PCSK6: variants seen among roughly 807,000 people sequenced by gnomAD.
The protein encoded by PCSK6 is paired basic amino acid cleaving enzyme 4.
Under a neutral mutation model 123.3 loss-of-function variants are expected in PCSK6, and 85 were observed. The ratio of observed to expected loss-of-function variants is 0.69; its 90% confidence interval spans 0.58 to 0.83. PCSK6 has a LOEUF of 0.83. PCSK6 is among the 40% of genes least tolerant of loss of function. PCSK6 has a pLI of 0.00. For synonymous variants in PCSK6, 508 were observed against 516.0 expected (o/e 0.98, Z 0.21); for missense variants, 1,191 against 1,282.3 (o/e 0.93, Z 1.09).
chr15:101,449,204 T>G (rs941994471), intron 1 of PCSK6, among the ~76,000 whole-genome samples: 1 of 152,258 alleles, frequency 6.6e-6, no homozygotes, highest in African/African-American at 2.4e-5. Context: ...TCCAATACTT[T>G]AAATCATCTT....
At chr15:101,438,985 T>C (rs1466745) in intron 2 of PCSK6, among the ~76,000 whole-genome samples, 91,204 of 152,014 alleles carry the variant, frequency 0.6, 28,553 homozygotes, top group African/African-American at 0.79. Flanking sequence ...CCGAGGAGGA[T>C]CTTAAAGGCC....
chr15:101,319,105 G>A (rs2040058242), intron 18 of PCSK6, among the ~76,000 whole-genome samples: 3 of 152,242 alleles, frequency 2.0e-5, no homozygotes, highest in Admixed American at 2.0e-4. Flanking sequence ...AAGCAAGCCA[G>A]CCAGCCCCTC....
In PCSK6 at chr15:101,424,002, C is replaced by T. The variant is rs1217906686; in HGVS notation, c.823+3890G>A. Among the ~76,000 whole-genome samples, 3 of 152,122 alleles carry T rather than the reference C, an allele frequency of 2.0e-5. No individual in the cohort carries two copies. In the South Asian group the frequency reaches 6.2e-4, roughly 31 times the overall value. ...CTTTGGGAGGCTGAGGTGGGAGGAT[C>T]GCTTGAGGCCAGGAGTTTGAGTCCA... On this transcript the variant is annotated intron_variant, in intron 6 of 21. Coordinates refer to ENST00000611716, the MANE Select transcript of PCSK6 (RefSeq NM_002570.5).
Position 101,481,227 on chromosome 15 carries a change from C to A in PCSK6, c.297+8147G>T, listed in dbSNP as rs146204730. Among the ~76,000 whole-genome samples, 1,316 of 151,934 alleles carry A rather than the reference C, an allele frequency of 8.7e-3. 11 individuals are homozygous for A. Among genetic ancestry groups the A allele is most frequent in the Non-Finnish European group, 0.013 (881 of 67,908 alleles). On this transcript the variant is annotated intron_variant, in intron 1 of 21. Coordinates refer to ENST00000611716, the MANE Select transcript of PCSK6 (RefSeq NM_002570.5). ...GTGGCAGGGGGCCTGGGGGCCCAGA[C>A]GAAGGGTACATCCGGCGGGCTGGGG... is the stretch of plus-strand genomic sequence containing the variant.
rs2058130048 is a variant in PCSK6 at position 101,489,677 on chromosome 15, G to A, written c.-7C>T. On this transcript the variant is annotated 5_prime_UTR_variant, in exon 1 of 22. Transcript: ENST00000611716. ...GCGGCGCGCGCGGAGGCATAGCGGC[G>A]ACAGGCTCGCGCGGCGCCCGAGCTG... The A allele has an allele frequency of 5.1e-6, 5 of 974,120 alleles. No homozygotes were observed. The highest frequency in any genetic ancestry group is 4.6e-5 in the South Asian group (1 of 21,664). 60.3% of individuals were successfully genotyped at this position (974,120 alleles called of 1,614,324 possible).
chr15:101,434,693 C>CA (rs1266006029), intron 2 of PCSK6, among the ~76,000 whole-genome samples: 1 of 152,220 alleles, frequency 6.6e-6, no homozygotes, highest in Non-Finnish European at 1.5e-5. Context: ...GAGGTGCTCT[C>CA]AGGCCAATGG....
At chr15:101,322,849 T>C (rs1249077272) in intron 17 of PCSK6, among the ~76,000 whole-genome samples, 1 of 152,108 alleles carries the variant, frequency 6.6e-6, no homozygotes, top group Non-Finnish European at 1.5e-5. Context: ...GCCTCTGAGG[T>C]GGTTCTGCTT....
intron 18 of PCSK6, among the ~76,000 whole-genome samples, chr15:101,319,119 A>G (rs892577809): frequency 2.0e-5 from 3 of 152,172 alleles, no homozygotes; most frequent in African/African-American, 7.2e-5. Context: ...GCCCCTCTAC[A>G]TCTGTTTCCC....
At chr15:101,353,112 A>G (rs2040941133) in intron 13 of PCSK6, among the ~76,000 whole-genome samples, 1 of 152,128 alleles carries the variant, frequency 6.6e-6, no homozygotes, top group Non-Finnish European at 1.5e-5. Context: ...GTAAAACATA[A>G]GGAAATAACT....
rs184057065 is a variant in PCSK6 at position 101,432,377 on chromosome 15, C to T, written c.403-277G>A. Among the ~76,000 whole-genome samples, 127 of 148,390 alleles carry T rather than the reference C, an allele frequency of 8.6e-4. 1 individual carries two copies. Among genetic ancestry groups the T allele is most frequent in the African/African-American group, 2.6e-3 (105 of 39,808 alleles). ...AGTGCTCACGCCTGTCATCCCAGCACGTTGGGAGGCCGAGGCAGGAAGATC... is the reference window on the plus strand; with the variant it reads ...AGTGCTCACGCCTGTCATCCCAGCATGTTGGGAGGCCGAGGCAGGAAGATC... On this transcript the variant is annotated intron_variant, in intron 2 of 21. Transcript: ENST00000611716.
intron 5 of PCSK6, 43 bp from the exon 6 acceptor site, chr15:101,428,023 G>C (rs1206773831): frequency 6.7e-7 from 1 of 1,483,236 alleles, no homozygotes; most frequent in African/African-American, 1.4e-5. Context: ...AGCCCAGCAA[G>C]TTTCAGTGAA....
chr15:101,370,767 G>A (rs1241170665), intron 11 of PCSK6, among the ~76,000 whole-genome samples: 1 of 152,252 alleles, frequency 6.6e-6, no homozygotes, highest in Non-Finnish European at 1.5e-5. Context: ...GGTTCGGCTG[G>A]GCACTGTGGC....
chr15:101,406,091 A>T (rs1017645576), intron 6 of PCSK6, among the ~76,000 whole-genome samples: 1 of 152,172 alleles, frequency 6.6e-6, no homozygotes, highest in African/African-American at 2.4e-5. Context: ...GGTTTGTATA[A>T]GGCAAGGTGA....
In PCSK6 at chr15:101,427,962, C is replaced by T. The variant is rs199778062; in HGVS notation, c.753G>A (p.Ala251=). The T allele has an allele frequency of 4.2e-4, 658 of 1,581,166 alleles. 7 individuals are homozygous for T. In the South Asian group the frequency reaches 6.8e-3, roughly 16 times the overall value. Residue 251 remains alanine, a synonymous_variant, in exon 6 of 22, where the codon GCG becomes GCA. Transcript: ENST00000611716. ...SNENKHGTRC[A]GEVAASANNS... Reference sequence around the variant, plus strand: ...TGTTTGCTGAAGCAGCAACTTCTCCCGCACAACGAGTGCCGTGTCTGAAAC... The same window carrying T: ...TGTTTGCTGAAGCAGCAACTTCTCCTGCACAACGAGTGCCGTGTCTGAAAC...
At chr15:101,368,119 G>C (rs1374249433) in intron 12 of PCSK6, among the ~76,000 whole-genome samples, 1 of 152,178 alleles carries the variant, frequency 6.6e-6, no homozygotes, top group Non-Finnish European at 1.5e-5. Context: ...CCTGGGCTAG[G>C]GTAGTTTTTA....
chr15:101,472,089 G>A (rs965554733), intron 1 of PCSK6, among the ~76,000 whole-genome samples: 27 of 152,170 alleles, frequency 1.8e-4, no homozygotes, highest in Non-Finnish European at 2.9e-4. Context: ...AAAAAAAATC[G>A]AACGGAGGCA....
At chr15:101,347,507 C>G in intron 13 of PCSK6, 1 of 1,336,150 alleles carries the variant, frequency 7.5e-7, no homozygotes, top group Non-Finnish European at 9.6e-7. Context: ...GAAGACAGAA[C>G]TGGTTAAAAT....
chr15:101,392,946 T>C (rs1567186050), intron 8 of PCSK6, among the ~76,000 whole-genome samples: 1 of 152,170 alleles, frequency 6.6e-6, no homozygotes, highest in Non-Finnish European at 1.5e-5. Flanking sequence ...CGTTCTTAAA[T>C]AATATTTTTA....
At chr15:101,340,271 A>G (rs1020390467) in intron 13 of PCSK6, among the ~76,000 whole-genome samples, 3 of 152,184 alleles carry the variant, frequency 2.0e-5, no homozygotes, top group Admixed American at 1.3e-4. Context: ...AGGCTAAGAA[A>G]GGGGAGATAC....
Sources: allele counts gnomAD v4.1 joint callset (sites outside exome capture counted in the v4.1 genomes callset), GRCh38; gene constraint gnomAD v4.1.1; transcripts MANE v1.5; gene names NCBI Gene and HGNC (gene_info 2026-07-23, HGNC 2026-07-21).